The following RAB27A variants were observed in gnomAD, a reference collection of about 807,000 sequenced individuals.
RAB27A encodes ras-related protein Rab-27A.
A neutral mutation model predicts 20.8 loss-of-function variants in RAB27A; 17 were observed. That is an observed-to-expected ratio of 0.82 (90% confidence interval 0.56 to 1.23). RAB27A has a LOEUF of 1.23. Among genes scored for constraint, RAB27A ranks in the 50% most tolerant of loss-of-function variants. The pLI, the probability that RAB27A is intolerant of heterozygous loss-of-function variation, is 0.00. For synonymous variants in RAB27A, 85 were observed against 92.8 expected (o/e 0.92, Z 0.48); for missense variants, 277 against 266.7 (o/e 1.04, Z -0.27).
At chr15:55,209,324 T>C (rs953816375) in intron 6 of RAB27A, among the ~76,000 whole-genome samples, 11 of 152,298 alleles carry the variant, frequency 7.2e-5, no homozygotes, top group Non-Finnish European at 1.5e-4. Flanking sequence ...TCTGGTATTC[T>C]CCAATCTACT....
chr15:55,273,662 G>A (rs1897771549), intron 1 of RAB27A, among the ~76,000 whole-genome samples: 1 of 152,122 alleles, frequency 6.6e-6, no homozygotes, highest in Non-Finnish European at 1.5e-5. Context: ...AGGTAGTTAT[G>A]TGGTGACAAG....
intron 6 of RAB27A, 52 bp downstream of exon 6, chr15:55,223,837 T>C: frequency 6.2e-7 from 1 of 1,600,958 alleles, no homozygotes; most frequent in Non-Finnish European, 8.5e-7. Flanking sequence ...ATTCACCTGC[T>C]AATGTTTATA....
chr15:55,209,890 ATATATACACATATGTGTGTGTATG>A (rs1894874942), intron 6 of RAB27A, among the ~76,000 whole-genome samples: 1 of 81,942 alleles, frequency 1.2e-5, no homozygotes, highest in Non-Finnish European at 2.3e-5. Flanking sequence ...GTGTGTATAC[ATATATACACATATGTGTGTGTATG>A]TATATACACA....
chr15:55,291,781 C>T (rs1898319233), upstream of RAB27A, among the ~76,000 whole-genome samples: 1 of 152,136 alleles, frequency 6.6e-6, no homozygotes, highest in Non-Finnish European at 1.5e-5. Context: ...TTCATTCACT[C>T]ATTCATCAAG....
chr15:55,258,884 G>A (rs1412534493), intron 2 of RAB27A, among the ~76,000 whole-genome samples: 1 of 152,134 alleles, frequency 6.6e-6, no homozygotes, highest in African/African-American at 2.4e-5. Context: ...GTGTGCAATG[G>A]CACAATCTCA....
At chr15:55,214,235 G>A (rs888190969) in intron 6 of RAB27A, among the ~76,000 whole-genome samples, 1 of 152,200 alleles carries the variant, frequency 6.6e-6, no homozygotes, top group Non-Finnish European at 1.5e-5. Flanking sequence ...GGGAGATCGA[G>A]ACCATCCTGG....
rs1265939943 is a variant in RAB27A, at chr15:55,270,229, C to T, written c.-87G>A. 6.6e-6 allele frequency: 1 copy of T among 152,088 alleles called. No homozygotes were observed. The highest frequency in any genetic ancestry group is 3.2e-3 in the Middle Eastern group (1 of 316). 9.4% of individuals were successfully genotyped at this position (152,088 alleles called of 1,614,324 possible). A position where few individuals can be genotyped will look rare whatever the true frequency, so the allele number is the denominator to read the frequency against. ...ACGTTAGAGACTGGAGTTACCAATGCTTCAACAATTGACAACTTCCAATCA... is the reference window on the plus strand; with the variant it reads ...ACGTTAGAGACTGGAGTTACCAATGTTTCAACAATTGACAACTTCCAATCA... On this transcript the variant is annotated 5_prime_UTR_variant, in exon 2 of 7. Coordinates refer to ENST00000336787, the MANE Select transcript of RAB27A (RefSeq NM_183235.3).
rs1566895916 is a variant in RAB27A, at chr15:55,209,813, C to CACAT, written c.468-4109_468-4108insATGT. 3.7e-3 allele frequency among the ~76,000 whole-genome samples: 399 copies of CACAT among 108,220 alleles called. 48 individuals carry two copies. The highest frequency in any genetic ancestry group is 4.8e-3 in the Middle Eastern group (1 of 210). 71.0% of individuals were successfully genotyped at this position (108,220 alleles called of 152,430 possible). On this transcript the variant is annotated intron_variant, in intron 6 of 6. Coordinates refer to ENST00000336787, the MANE Select transcript of RAB27A (RefSeq NM_183235.3). ...GTGTGTATGTATACATATATACACACATGTGTGTATATATACATATATGTG... is the reference window on the plus strand; with the variant it reads ...GTGTGTATGTATACATATATACACACACATATGTGTGTATATATACATATATGTG...
intron 2 of RAB27A, among the ~76,000 whole-genome samples, chr15:55,311,193 C>T (rs144049820): frequency 0.08 from 12,125 of 152,220 alleles, 567 homozygotes; most frequent in East Asian, 0.15. Flanking sequence ...TCATTTGGAG[C>T]TAGTGTCTGA....
intron 2 of RAB27A, among the ~76,000 whole-genome samples, chr15:55,267,789 C>T (rs1390316033): frequency 6.6e-6 from 1 of 152,136 alleles, no homozygotes; most frequent in Non-Finnish European, 1.5e-5. Context: ...CCCCTATGAG[C>T]ACTCAGGTAC....
At chr15:55,274,037 A>C (rs1157491299) in intron 1 of RAB27A, among the ~76,000 whole-genome samples, 1 of 152,224 alleles carries the variant, frequency 6.6e-6, no homozygotes, top group Non-Finnish European at 1.5e-5. Context: ...GATCGAAATC[A>C]TATTAATTAT....
chr15:55,259,723 G>C (rs1441354867), intron 2 of RAB27A, among the ~76,000 whole-genome samples: 1 of 152,102 alleles, frequency 6.6e-6, no homozygotes, highest in Non-Finnish European at 1.5e-5. Context: ...TTTCCCTTAA[G>C]TATATACAAT....
Position 55,241,600 on chromosome 15 carries a change from T to TTATATATATATATATA in RAB27A, c.-22-6660_-22-6645dup, listed in dbSNP as rs58693379. The stretch of plus-strand genomic sequence containing the variant: ...AGCCCAGGCAACTAGCAAGACCTAT[T>TTATATATATATATATA]TATATATATATATATATATATATAT... On this transcript the variant is annotated intron_variant, in intron 2 of 6. Transcript: ENST00000336787. Among the ~76,000 whole-genome samples, 7 of 123,876 alleles carry TTATATATATATATATA rather than the reference T, an allele frequency of 5.7e-5. No homozygotes were observed. In the East Asian group the frequency reaches 8.4e-4, roughly 15 times the overall value. The allele number at this position is 123,876 out of a possible 152,430, so 81.3% of individuals were successfully genotyped here.
Position 55,234,971 on chromosome 15 carries a change from C to T in RAB27A, c.-22-15G>A, listed in dbSNP as rs1896195567. ...CAGTAGTTCACCTGTAAAATACACACAAAATTTTTTAATTAAAATCCATTA... is the reference window on the plus strand; with the variant it reads ...CAGTAGTTCACCTGTAAAATACACATAAAATTTTTTAATTAAAATCCATTA... On this transcript the variant is annotated splice_polypyrimidine_tract_variant and intron_variant, in intron 2 of 6. Transcript: ENST00000336787. The T allele has an allele frequency of 6.4e-7, 1 of 1,574,324 alleles. No homozygotes were observed. The highest frequency in any genetic ancestry group is 1.4e-5 in the African/African-American group (1 of 73,406).
intron 2 of RAB27A, among the ~76,000 whole-genome samples, chr15:55,306,834 A>C (rs2054998882): frequency 6.6e-6 from 1 of 152,090 alleles, no homozygotes; most frequent in Non-Finnish European, 1.5e-5. Flanking sequence ...GTGAGACTGA[A>C]AGGTGGTGAG....
chr15:55,261,620 A>G (rs1897269891), intron 2 of RAB27A, among the ~76,000 whole-genome samples: 2 of 140,436 alleles, frequency 1.4e-5, no homozygotes, highest in South Asian at 4.8e-4. Context: ...GTGTGCCCGT[A>G]GTCCCAGCTA....
intron 2 of RAB27A, among the ~76,000 whole-genome samples, chr15:55,305,983 T>G (rs1247722316): frequency 6.6e-6 from 1 of 152,148 alleles, no homozygotes; most frequent in Non-Finnish European, 1.5e-5. Flanking sequence ...TGAATCTTGT[T>G]CAGTGTAGAT....
upstream of RAB27A, chr15:55,290,076 T>C (rs1898270963): frequency 6.6e-6 from 1 of 152,204 alleles, no homozygotes; most frequent in Non-Finnish European, 1.5e-5. Context: ...AGTGTTTTCG[T>C]TTTGGGACAC....
chr15:55,276,361 C>A (rs1408145822), intron 1 of RAB27A, among the ~76,000 whole-genome samples: 1 of 152,160 alleles, frequency 6.6e-6, no homozygotes, highest in Non-Finnish European at 1.5e-5. Flanking sequence ...AAGCCAGACA[C>A]ATAAAGAAAA....
Sources: gnomAD v4.1 joint callset for allele counts (sites outside exome capture counted in the v4.1 genomes callset) on GRCh38, gnomAD v4.1.1 for gene constraint, MANE v1.5 for transcripts, NCBI Gene and HGNC (gene_info 2026-07-23, HGNC 2026-07-21) for gene names.